RYR2: variants seen among roughly 807,000 people sequenced by gnomAD.
The protein encoded by RYR2 is ryanodine receptor 2.
A neutral mutation model predicts 601.1 loss-of-function variants in RYR2; 227 were observed. The observed-to-expected ratio is 0.38, with a 90% confidence interval of 0.34 to 0.42. The LOEUF is 0.42. Ranked by LOEUF, RYR2 falls within the 10% of genes least tolerant of loss-of-function variation. The probability of loss-of-function intolerance (pLI) is 1.00; values close to 1 mark genes in which losing one functional copy is unlikely to be tolerated. For missense variants in RYR2, 4,646 were observed against 6,156.5 expected (o/e 0.75, Z 8.21); for synonymous variants, 2,223 against 2,175.1 (o/e 1.02, Z -0.61).
intron 25 of RYR2, among the ~76,000 whole-genome samples, chr1:237,533,899 A>G (rs1326228920): frequency 3.9e-5 from 6 of 152,126 alleles, no homozygotes; most frequent in African/African-American, 1.4e-4. Context: ...TTTTATTATA[A>G]TGCTTTGAAG....
intron 29 of RYR2, among the ~76,000 whole-genome samples, chr1:237,576,342 T>C (rs1477813183): frequency 5.3e-5 from 8 of 152,216 alleles, no homozygotes; most frequent in African/African-American, 1.9e-4. Flanking sequence ...TCCTACCAGA[T>C]AGCAGGATTT....
chr1:237,293,686 T>G (rs1166931418), intron 2 of RYR2, among the ~76,000 whole-genome samples: 3 of 152,288 alleles, frequency 2.0e-5, no homozygotes, highest in South Asian at 4.2e-4. Flanking sequence ...AGCATACAGA[T>G]GAACACTCAG....
rs727504983 is a variant in RYR2, at chr1:237,614,622, G to A, written c.5494G>A (p.Gly1832Ser). 1.2e-5 allele frequency: 20 copies of A among 1,613,942 alleles called. No homozygotes were observed. The highest frequency in any genetic ancestry group is 6.8e-6 in the Non-Finnish European group (8 of 1,179,886). ...IKLFYTLLIM[G>S]IFHNEDLKHI... ...GCTTTTCTATACCCTGCTGATCATGGGCATCTTTCACAACGAGGACTTGAA... is the reference window on the plus strand; with the variant it reads ...GCTTTTCTATACCCTGCTGATCATGAGCATCTTTCACAACGAGGACTTGAA... The change falls in exon 37 of 105, where the codon GGC becomes AGC. Residue 1832 changes from glycine (G) to serine (S), a missense_variant. Gly to Ser is a moderately conservative substitution (Grantham distance 56). This residue lies in a region of RYR2 where 1,807 missense variants were observed against 2,088.1 expected (regional missense o/e 0.87). Coordinates refer to ENST00000366574, the MANE Select transcript of RYR2 (RefSeq NM_001035.3). This position sits in a 1 kb window ranked among gnomAD's most constrained non-coding sequence, Gnocchi z 4.3.
chr1:237,292,436 G>T (rs764812089), intron 2 of RYR2, among the ~76,000 whole-genome samples: 5 of 152,128 alleles, frequency 3.3e-5, no homozygotes, highest in Non-Finnish European at 7.4e-5. Flanking sequence ...TTCATTAGTG[G>T]CTCCTACTTC....
At chr1:237,116,576 A>G (rs1336228031) in intron 1 of RYR2, among the ~76,000 whole-genome samples, 2 of 152,182 alleles carry the variant, frequency 1.3e-5, no homozygotes, top group East Asian at 1.9e-4. Flanking sequence ...TATATAATTT[A>G]CTATTTACTA....
At chr1:237,074,070 T>A (rs942730384) in intron 1 of RYR2, among the ~76,000 whole-genome samples, 13 of 152,082 alleles carry the variant, frequency 8.5e-5, no homozygotes, top group Non-Finnish European at 1.9e-4. Context: ...TAATCCCAGC[T>A]ACTCAGGGGG....
intron 62 of RYR2, among the ~76,000 whole-genome samples, chr1:237,684,942 A>AAAT (rs1686246225): frequency 6.6e-6 from 1 of 151,518 alleles, no homozygotes; most frequent in South Asian, 2.1e-4. Flanking sequence ...GAGAAAAAAA[A>AAAT]AAATACTGTA....
chr1:237,157,918 G>T (rs1675579941), intron 1 of RYR2, among the ~76,000 whole-genome samples: 1 of 152,180 alleles, frequency 6.6e-6, no homozygotes, highest in African/African-American at 2.4e-5. Context: ...CATGATAAAT[G>T]TTTGAGATAA....
At chr1:237,736,410 C>T (rs553671239) in intron 79 of RYR2, among the ~76,000 whole-genome samples, 1 of 147,436 alleles carries the variant, frequency 6.8e-6, no homozygotes, top group East Asian at 2.0e-4. Context: ...TGCAGTGAGC[C>T]GTGATTGCAC....
chr1:237,306,214 G>A (rs952436179), intron 2 of RYR2, among the ~76,000 whole-genome samples: 11 of 152,136 alleles, frequency 7.2e-5, no homozygotes, highest in African/African-American at 2.7e-4. Flanking sequence ...TTTTCTATCT[G>A]TTTACCATCC....
At chr1:237,714,816 C>G (rs1326355409) in intron 71 of RYR2, among the ~76,000 whole-genome samples, 1 of 151,462 alleles carries the variant, frequency 6.6e-6, no homozygotes, top group Non-Finnish European at 1.5e-5. Context: ...TGGTGAAACC[C>G]CATCTCTACT....
At chr1:237,559,434 T>C (rs1387854670) in intron 27 of RYR2, among the ~76,000 whole-genome samples, 5 of 152,142 alleles carry the variant, frequency 3.3e-5, no homozygotes, top group African/African-American at 9.6e-5. Flanking sequence ...TTAGTAGATA[T>C]GGGGTTTCAC....
At chr1:237,798,455 C>CTTAAATCTAAGTAAAACACAT (rs1659541847) in intron 97 of RYR2, among the ~76,000 whole-genome samples, 1 of 151,908 alleles carries the variant, frequency 6.6e-6, no homozygotes, top group African/African-American at 2.4e-5. Context: ...TTAAATGATC[C>CTTAAATCTAAGTAAAACACAT]TTAAATCTAA....
At chr1:237,309,942 C>T (rs1397341344) in intron 2 of RYR2, among the ~76,000 whole-genome samples, 10 of 152,220 alleles carry the variant, frequency 6.6e-5, no homozygotes, top group Non-Finnish European at 1.0e-4. Context: ...GCCGAGCCCA[C>T]GCTCACCAGC....
At chr1:237,229,562 A>G (rs1349173136) in intron 1 of RYR2, among the ~76,000 whole-genome samples, 1 of 152,102 alleles carries the variant, frequency 6.6e-6, no homozygotes, top group Non-Finnish European at 1.5e-5. Context: ...AAGTGACCCT[A>G]TAATGGGGAA....
intron 87 of RYR2, 34 bp downstream of exon 87, chr1:237,773,682 C>A: frequency 6.3e-7 from 1 of 1,588,810 alleles, no homozygotes; most frequent in Non-Finnish European, 8.6e-7. Context: ...ATCTGTAGCA[C>A]TGAACTCCAT....
intron 2 of RYR2, among the ~76,000 whole-genome samples, chr1:237,322,233 C>A (rs1279827587): frequency 6.6e-6 from 1 of 152,138 alleles, no homozygotes; most frequent in Non-Finnish European, 1.5e-5. Flanking sequence ...AACGAATCTG[C>A]ACTATATTAC....
At chr1:237,143,968 A>C (rs1298857717) in intron 1 of RYR2, among the ~76,000 whole-genome samples, 1 of 152,130 alleles carries the variant, frequency 6.6e-6, no homozygotes, top group Non-Finnish European at 1.5e-5. Flanking sequence ...ATTTCTACTA[A>C]AAATACAAAA....
In RYR2 at chr1:237,673,371, T is replaced by G. The variant is rs149390212; in HGVS notation, c.8591-725T>G. Among the ~76,000 whole-genome samples, 143 of 152,344 alleles carry G rather than the reference T, an allele frequency of 9.4e-4. 2 individuals carry two copies. In the East Asian group the frequency reaches 0.025, roughly 26 times the overall value. On this transcript the variant is annotated intron_variant, in intron 58 of 104. Coordinates refer to ENST00000366574, the MANE Select transcript of RYR2 (RefSeq NM_001035.3). ...CAAAATTTTTACATAATTTATAATT[T>G]TAGAAAGGTTTTTCTCCCTATTAGT...
Sources: gnomAD v4.1 joint callset for allele counts (sites outside exome capture counted in the v4.1 genomes callset) on GRCh38, gnomAD v4.1.1 for gene constraint, gnomAD v4.1.1 regional missense constraint, Gnocchi (gnomAD v3.1) non-coding constraint, MANE v1.5 for transcripts, NCBI Gene and HGNC (gene_info 2026-07-23, HGNC 2026-07-21) for gene names.